Variants in KDM4B observed in about 807,000 individuals in gnomAD.
KDM4B encodes the protein lysine demethylase 4B.
In KDM4B, 32 loss-of-function variants were observed where a neutral mutation model predicts 125.2. The ratio of observed to expected loss-of-function variants is 0.26; its 90% confidence interval spans 0.19 to 0.34. The LOEUF (loss-of-function observed/expected upper bound fraction) is 0.34, where lower values mean the gene tolerates loss of function less well. Among genes scored for constraint, KDM4B ranks in the 10% least tolerant of loss-of-function variants. The pLI is 1.00. For synonymous variants in KDM4B, 721 were observed against 677.9 expected (o/e 1.06, Z -0.99); for missense variants, 1,190 against 1,577.7 (o/e 0.75, Z 4.16).
chr19:5,013,341 G>A (rs933941328), intron 1 of KDM4B, among the ~76,000 whole-genome samples: 1 of 152,192 alleles, frequency 6.6e-6, no homozygotes, highest in Admixed American at 6.5e-5. Context: ...CAGGGGAGAG[G>A]CCTGGGTGGC....
At chr19:5,033,060 C>T (rs372274832) in intron 3 of KDM4B, 29 bp downstream of exon 3, 1 of 1,607,262 alleles carries the variant, frequency 6.2e-7, no homozygotes, top group Non-Finnish European at 8.5e-7. Context: ...CCAGCGCGGC[C>T]CTCCATCAGC....
At chr19:5,143,143 T>A (rs2039775309) in intron 18 of KDM4B, among the ~76,000 whole-genome samples, 1 of 151,940 alleles carries the variant, frequency 6.6e-6, no homozygotes, top group East Asian at 1.9e-4. Flanking sequence ...CTGGACAATA[T>A]AGCAAGACTC....
At chr19:5,136,830 GC>G (rs951932351) in intron 15 of KDM4B, among the ~76,000 whole-genome samples, 1 of 152,224 alleles carries the variant, frequency 6.6e-6, no homozygotes, top group Admixed American at 6.5e-5. Flanking sequence ...GGCCTTTTGT[GC>G]CCTTTCCCCA....
intron 9 of KDM4B, among the ~76,000 whole-genome samples, chr19:5,091,833 G>GC (rs2038712953): frequency 6.6e-6 from 1 of 152,170 alleles, no homozygotes; most frequent in Non-Finnish European, 1.5e-5. Context: ...CCCACGGCTG[G>GC]CCTGTGCCCT....
At chr19:5,032,569 T>C (rs146996689) in intron 2 of KDM4B, among the ~76,000 whole-genome samples, 1 of 152,256 alleles carries the variant, frequency 6.6e-6, no homozygotes, top group Non-Finnish European at 1.5e-5. Context: ...TACGTAAACC[T>C]TTCTCTCCGA....
rs773137944 is a variant in KDM4B, at chr19:5,150,432, G to A, written c.3096G>A (p.Lys1032=). 1.9e-4 allele frequency: 301 copies of A among 1,550,758 alleles called. No homozygotes were observed. Among genetic ancestry groups the A allele is most frequent in the Non-Finnish European group, 2.5e-4 (285 of 1,146,858 alleles). The part of the protein sequence containing the change: ...DIFTLEEELP[K]RVRSRLSLST... ...TCACCCTGGAGGAGGAGCTGCCCAA[G>A]AGGGTCCGCTCTCGGCTGGTGAGTG... is the stretch of plus-strand genomic sequence containing the variant. Residue 1032 remains lysine, a synonymous_variant, in exon 22 of 23, where the codon AAG becomes AAA. Coordinates refer to ENST00000159111, the MANE Select transcript of KDM4B (RefSeq NM_015015.3).
intron 5 of KDM4B, among the ~76,000 whole-genome samples, chr19:5,043,413 C>T (rs1196679787): frequency 6.7e-6 from 1 of 148,652 alleles, no homozygotes; most frequent in African/African-American, 2.5e-5. Flanking sequence ...TCCACCGTAT[C>T]CTGCGTGGTG....
rs1045846844 is a variant in KDM4B at position 5,137,435 on chromosome 19, G to C, written c.2385+97G>C. On this transcript the variant is annotated intron_variant, in intron 16 of 22. Coordinates refer to ENST00000159111, the MANE Select transcript of KDM4B (RefSeq NM_015015.3). ...TTTGGGGCGTAGTCTCCCCTCCGTG[G>C]GCCTGGGTTCCTTCACCTCTGCCCT... 1.3e-5 allele frequency: 17 copies of C among 1,300,820 alleles called. No individual in the cohort carries two copies. In the African/African-American group the frequency reaches 1.9e-4, roughly 15 times the overall value. The allele number at this position is 1,300,820 out of a possible 1,614,324, so 80.6% of individuals were successfully genotyped here.
intron 1 of KDM4B, among the ~76,000 whole-genome samples, chr19:5,008,303 T>C (rs1255442573): frequency 2.0e-5 from 3 of 152,246 alleles, no homozygotes; most frequent in Non-Finnish European, 2.9e-5. Context: ...GGCACTGTTA[T>C]TGAAAATCAC....
At chr19:5,071,479 G>C (rs549480289) in intron 7 of KDM4B, among the ~76,000 whole-genome samples, 1 of 152,332 alleles carries the variant, frequency 6.6e-6, no homozygotes, top group African/African-American at 2.4e-5. Context: ...GCTTACCTGC[G>C]GGGGAGCAGA....
Position 5,131,277 on chromosome 19 carries a change from T to G in KDM4B, c.1517T>G (p.Leu506Arg). 1 of 1,611,618 alleles carries G rather than the reference T, an allele frequency of 6.2e-7. No homozygotes were observed. Among genetic ancestry groups the G allele is most frequent in the Non-Finnish European group, 8.5e-7 (1 of 1,179,536 alleles). Reference protein sequence around the residue: ...AMEESPLPAPLNVVPPEVPSE... With the variant: ...AMEESPLPAPRNVVPPEVPSE... ...GAGGAGAGCCCCCTGCCGGCACCCC[T>G]TAATGTCGTGCCCCCTGAGGTGCCC... Residue 506 changes from leucine to arginine, a missense_variant, in exon 12 of 23, where the codon CTT becomes CGT. Leu to Arg is a moderately radical substitution (Grantham distance 102, BLOSUM62 -2). Transcript: ENST00000159111.
At chr19:4,996,457 C>G (rs1291241135) in intron 1 of KDM4B, among the ~76,000 whole-genome samples, 3 of 152,088 alleles carry the variant, frequency 2.0e-5, no homozygotes, top group African/African-American at 4.8e-5. Flanking sequence ...TCCTTGCAGC[C>G]TCAGCCCCCT....
intron 2 of KDM4B, among the ~76,000 whole-genome samples, chr19:5,030,744 T>C (rs1348547967): frequency 6.6e-6 from 1 of 152,220 alleles, no homozygotes. Flanking sequence ...CTCGTGGGCC[T>C]CTGTGCCTCC....
intron 3 of KDM4B, 78 bp from the exon 4 acceptor site, chr19:5,039,758 G>GCCGTATCATTAAA: frequency 6.7e-7 from 1 of 1,482,702 alleles, no homozygotes; most frequent in South Asian, 1.3e-5. Flanking sequence ...GGTCTCTGGG[G>GCCGTATCATTAAA]AGCCGGTGGC....
chr19:4,986,755 C>A (rs1041744272), intron 1 of KDM4B, among the ~76,000 whole-genome samples: 1 of 152,314 alleles, frequency 6.6e-6, no homozygotes, highest in East Asian at 1.9e-4. Flanking sequence ...GGATTTGGGA[C>A]AAGAGTGCTC....
intron 7 of KDM4B, among the ~76,000 whole-genome samples, chr19:5,071,832 T>C (rs2037957977): frequency 6.6e-6 from 1 of 152,126 alleles, no homozygotes; most frequent in Non-Finnish European, 1.5e-5. Flanking sequence ...ACCTCACTGC[T>C]CCTAAGTGCC....
chr19:5,147,638 G>A (rs759031914), intron 21 of KDM4B, among the ~76,000 whole-genome samples: 44 of 151,368 alleles, frequency 2.9e-4, no homozygotes, highest in Non-Finnish European at 5.0e-4. Context: ...AGCTACTTGG[G>A]AAGCTGAGGT....
chr19:4,973,320 C>G (rs963028158), intron 1 of KDM4B, among the ~76,000 whole-genome samples: 5 of 152,146 alleles, frequency 3.3e-5, no homozygotes, highest in African/African-American at 1.2e-4. Flanking sequence ...TCCCGAGTAG[C>G]TGGGATTACA....
intron 15 of KDM4B, 58 bp from the exon 16 acceptor site, chr19:5,137,204 T>C (rs1029114371): frequency 5.2e-6 from 7 of 1,343,310 alleles, no homozygotes; most frequent in Non-Finnish European, 7.3e-6. Flanking sequence ...TGAGTTTCAC[T>C]CGGCTCCCCA....
Sources: gnomAD v4.1 joint callset for allele counts (sites outside exome capture counted in the v4.1 genomes callset) on GRCh38, gnomAD v4.1.1 for gene constraint, MANE v1.5 for transcripts, NCBI Gene and HGNC (gene_info 2026-07-23, HGNC 2026-07-21) for gene names.